PDZD2: variants seen among roughly 807,000 people sequenced by gnomAD.
PDZD2 encodes the protein PDZ domain-containing protein 2.
PDZD2 carries 90 observed loss-of-function variants against 220.7 expected under a neutral mutation model. That is an observed-to-expected ratio of 0.41 (90% confidence interval 0.34 to 0.49). The LOEUF (loss-of-function observed/expected upper bound fraction) is 0.49, where lower values mean the gene tolerates loss of function less well. Ranked by LOEUF, PDZD2 falls within the 20% of genes least tolerant of loss-of-function variation. The probability of loss-of-function intolerance (pLI) is 0.28; values close to 1 mark genes in which losing one functional copy is unlikely to be tolerated. For missense variants in PDZD2, 3,174 were observed against 3,608.5 expected (o/e 0.88, Z 3.08); for synonymous variants, 1,375 against 1,450.5 (o/e 0.95, Z 1.18).
chr5:31,817,922 C>T (rs1283748496), intron 2 of PDZD2, among the ~76,000 whole-genome samples: 1 of 151,218 alleles, frequency 6.6e-6, no homozygotes, highest in African/African-American at 2.4e-5. Context: ...CCTTGGCCTC[C>T]CGAAGTACTG....
Position 31,767,311 on chromosome 5 carries a change from C to T in PDZD2, c.-360-31578C>T, listed in dbSNP as rs543960310. On this transcript the variant is annotated intron_variant, in intron 1 of 24. Coordinates refer to ENST00000438447, the MANE Select transcript of PDZD2 (RefSeq NM_178140.4). ...CCTCCCAAAGTGCTGGGATTACAGG[C>T]GTGAGCCACCACGCCCAACCCCTTA... 2.0e-5 allele frequency among the ~76,000 whole-genome samples: 3 copies of T among 152,292 alleles called. No homozygotes were observed. In the South Asian group the frequency reaches 6.2e-4, roughly 32 times the overall value.
At chr5:31,868,605 A>G (rs1177978744) in intron 2 of PDZD2, among the ~76,000 whole-genome samples, 1 of 152,058 alleles carries the variant, frequency 6.6e-6, no homozygotes, top group East Asian at 1.9e-4. Flanking sequence ...CGTAGTGTTC[A>G]TTACTATGCC....
chr5:31,891,385 C>T (rs147859562), intron 2 of PDZD2, among the ~76,000 whole-genome samples: 4,077 of 151,742 alleles, frequency 0.027, 178 homozygotes, highest in African/African-American at 0.094. Flanking sequence ...GGCATGGTCT[C>T]GGCTCACCGC....
At chr5:31,645,041 T>TTG (rs1158126549) in intron 1 of PDZD2, among the ~76,000 whole-genome samples, 1 of 152,142 alleles carries the variant, frequency 6.6e-6, no homozygotes, top group Non-Finnish European at 1.5e-5. Context: ...GGAAGTTTTG[T>TTG]TGTCTTTTAA....
intron 8 of PDZD2, among the ~76,000 whole-genome samples, chr5:32,050,131 A>C (rs1384941586): frequency 3.9e-5 from 6 of 152,020 alleles, no homozygotes; most frequent in Non-Finnish European, 8.8e-5. Flanking sequence ...GGGTTTCATC[A>C]TGTTGGCCAG....
intron 1 of PDZD2, among the ~76,000 whole-genome samples, chr5:31,735,138 C>T (rs116648928): frequency 0.019 from 2,843 of 152,162 alleles, 107 homozygotes; most frequent in African/African-American, 0.066. Context: ...AGCCGTGGAG[C>T]GTGGATATGA....
intron 15 of PDZD2, 147 bp downstream of exon 15, chr5:32,069,797 T>C (rs1740588035): frequency 1.7e-6 from 1 of 603,558 alleles, no homozygotes; most frequent in Non-Finnish European, 3.0e-6. Flanking sequence ...ATGCTTTCTC[T>C]TGGCTGTTAG....
chr5:31,824,983 G>A (rs925749185), intron 2 of PDZD2, among the ~76,000 whole-genome samples: 14 of 152,086 alleles, frequency 9.2e-5, no homozygotes, highest in African/African-American at 3.1e-4. Flanking sequence ...TGACATGCTC[G>A]CCCTTCCTGC....
At chr5:31,735,218 G>A (rs1371387220) in intron 1 of PDZD2, among the ~76,000 whole-genome samples, 2 of 152,164 alleles carry the variant, frequency 1.3e-5, no homozygotes, top group African/African-American at 4.8e-5. Flanking sequence ...TGGGTTGGAG[G>A]GATGAGCTGA....
chr5:31,723,622 T>A (rs1748933603), intron 1 of PDZD2, among the ~76,000 whole-genome samples: 1 of 152,104 alleles, frequency 6.6e-6, no homozygotes, highest in South Asian at 2.1e-4. Flanking sequence ...TATTATTATT[T>A]TTATTATTTT....
chr5:32,098,332 G>A lies in PDZD2; in HGVS notation c.7948-32G>A, dbSNP rs1561594281. On this transcript the variant is annotated intron_variant, in intron 22 of 24. Transcript: ENST00000438447. The surrounding 1 kb of genome is among the most constrained non-coding windows in gnomAD (Gnocchi z 4.1). ...TTACCGGAAATCGTAAGTGGATCTG[G>A]TTTTTGTTCCCTTTTCCTTTCCTCA... The A allele has an allele frequency of 6.2e-7, 1 of 1,605,252 alleles. No homozygotes were observed. Among genetic ancestry groups the A allele is most frequent in the Non-Finnish European group, 8.5e-7 (1 of 1,175,062 alleles).
chr5:31,658,776 C>T (rs1262966034), intron 1 of PDZD2, among the ~76,000 whole-genome samples: 8 of 152,272 alleles, frequency 5.3e-5, no homozygotes, highest in East Asian at 3.9e-4. Flanking sequence ...CACGCCACCA[C>T]GCCCAGCTAA....
chr5:31,707,884 TC>T (rs1397839658), intron 1 of PDZD2, among the ~76,000 whole-genome samples: 1 of 152,142 alleles, frequency 6.6e-6, no homozygotes, highest in African/African-American at 2.4e-5. Flanking sequence ...CGCCTCAGCC[TC>T]CCAAAATGCT....
rs116362651 is a variant in PDZD2 at position 31,887,978 on chromosome 5, G to A, written c.476+88254G>A. On this transcript the variant is annotated intron_variant, in intron 2 of 24. Coordinates refer to ENST00000438447, the MANE Select transcript of PDZD2 (RefSeq NM_178140.4). ...TCAGCATTGTTAACTTCCAACATAC[G>A]ATGGGCATTTGGGCACATCAGAGGG... Among the ~76,000 whole-genome samples, 472 of 152,214 alleles carry A rather than the reference G, an allele frequency of 3.1e-3. 1 individual carries two copies. The highest frequency in any genetic ancestry group is 0.011 in the African/African-American group (454 of 41,532).
chr5:31,773,377 G>A (rs1403385600), intron 1 of PDZD2, among the ~76,000 whole-genome samples: 2 of 151,974 alleles, frequency 1.3e-5, no homozygotes, highest in Non-Finnish European at 2.9e-5. Flanking sequence ...GGTGGCTCAT[G>A]CCTGTAATCC....
In PDZD2 at chr5:32,045,716, C is replaced by T. The variant is rs1328123620; in HGVS notation, c.1520-2823C>T. ...TGCTAGGATTATAGGTGTGAGTCAC[C>T]GCGCCCAGCCTATGATCTTTTTAAG... On this transcript the variant is annotated intron_variant, in intron 7 of 24. Coordinates refer to ENST00000438447, the MANE Select transcript of PDZD2 (RefSeq NM_178140.4). Among the ~76,000 whole-genome samples the T allele has an allele frequency of 2.6e-5, 4 of 151,692 alleles. No homozygotes were observed. In the South Asian group the frequency reaches 6.2e-4, roughly 24 times the overall value.
chr5:31,873,006 TGTAA>T (rs765784989), intron 2 of PDZD2, among the ~76,000 whole-genome samples: 12 of 152,196 alleles, frequency 7.9e-5, no homozygotes, highest in African/African-American at 1.4e-4. Context: ...TCTAGTTTTG[TGTAA>T]GTACACTGCG....
intron 2 of PDZD2, among the ~76,000 whole-genome samples, chr5:31,832,246 A>T (rs1351350521): frequency 6.6e-6 from 1 of 152,170 alleles, no homozygotes; most frequent in Non-Finnish European, 1.5e-5. Flanking sequence ...AATGAAATGG[A>T]AGTTACCAGA....
At chr5:31,838,587 G>A (rs1757084389) in intron 2 of PDZD2, among the ~76,000 whole-genome samples, 1 of 152,184 alleles carries the variant, frequency 6.6e-6, no homozygotes, top group South Asian at 2.1e-4. Context: ...TGATCTGGAG[G>A]CATTGTTCTG....
Sources: allele counts gnomAD v4.1 joint callset (sites outside exome capture counted in the v4.1 genomes callset), GRCh38; gene constraint gnomAD v4.1.1; non-coding constraint Gnocchi (gnomAD v3.1); transcripts MANE v1.5; gene names NCBI Gene and HGNC (gene_info 2026-07-23, HGNC 2026-07-21).